LSAMP: variants seen among roughly 807,000 people sequenced by gnomAD.
The protein encoded by LSAMP is limbic system associated membrane protein.
LSAMP carries 7 observed loss-of-function variants against 38.6 expected under a neutral mutation model. The observed-to-expected ratio is 0.18, with a 90% CI of 0.10 to 0.34. The LOEUF is 0.34. Ranked by LOEUF, LSAMP falls within the 10% of genes least tolerant of loss-of-function variation. LSAMP has a pLI of 1.00. For synonymous variants in LSAMP, 154 were observed against 166.8 expected (o/e 0.92, Z 0.59); for missense variants, 313 against 420.0 (o/e 0.75, Z 2.23).
intron 1 of LSAMP, among the ~76,000 whole-genome samples, chr3:116,133,482 A>G (rs1041459833): frequency 1.3e-5 from 2 of 151,630 alleles, no homozygotes; most frequent in African/African-American, 4.8e-5. Context: ...ATATATATAC[A>G]TATATTTTTT....
intron 3 of LSAMP, among the ~76,000 whole-genome samples, chr3:115,925,060 C>G (rs1231019758): frequency 2.6e-5 from 4 of 152,188 alleles, no homozygotes; most frequent in Admixed American, 6.5e-5. Flanking sequence ...TCATAGTCTG[C>G]TCCTTGGTTC....
At chr3:115,917,807 A>G (rs1208982582) in intron 3 of LSAMP, among the ~76,000 whole-genome samples, 4 of 152,200 alleles carry the variant, frequency 2.6e-5, no homozygotes, top group Non-Finnish European at 4.4e-5. Context: ...GAAAAATTAT[A>G]AAACACTTTA....
intron 3 of LSAMP, among the ~76,000 whole-genome samples, chr3:115,947,596 C>T (rs886813405): frequency 3.3e-5 from 5 of 152,108 alleles, no homozygotes; most frequent in African/African-American, 1.2e-4. Context: ...TGTAGTAACA[C>T]CAGCATGCTC....
intron 6 of LSAMP, among the ~76,000 whole-genome samples, chr3:115,813,051 C>T (rs766862956): frequency 9.2e-5 from 14 of 151,940 alleles, no homozygotes; most frequent in Non-Finnish European, 1.5e-4. Context: ...GATATACACA[C>T]ATATTATTGA....
At chr3:116,063,980 T>TAAAC (rs1941639212) in intron 2 of LSAMP, among the ~76,000 whole-genome samples, 1 of 152,180 alleles carries the variant, frequency 6.6e-6, no homozygotes, top group Non-Finnish European at 1.5e-5. Context: ...AAATTCTGAA[T>TAAAC]AAACACGATA....
chr3:116,289,227 C>T (rs1163609623), intron 1 of LSAMP, among the ~76,000 whole-genome samples: 1 of 152,130 alleles, frequency 6.6e-6, no homozygotes, highest in Non-Finnish European at 1.5e-5. Flanking sequence ...AAGCAGTTCT[C>T]AAAAACTGAA....
chr3:116,072,718 G>C (rs917933371), intron 2 of LSAMP, among the ~76,000 whole-genome samples: 2 of 136,694 alleles, frequency 1.5e-5, no homozygotes, highest in Non-Finnish European at 3.2e-5. Flanking sequence ...ATCTGTTATT[G>C]CTATTTGCTT....
At chr3:116,355,869 C>A (rs966129631) in intron 1 of LSAMP, among the ~76,000 whole-genome samples, 1 of 152,120 alleles carries the variant, frequency 6.6e-6, no homozygotes, top group Non-Finnish European at 1.5e-5. Context: ...ATCAAAACTA[C>A]AATGAGATAT....
At chr3:116,110,044 C>T (rs566829542) in intron 1 of LSAMP, among the ~76,000 whole-genome samples, 46 of 149,144 alleles carry the variant, frequency 3.1e-4, no homozygotes, top group Middle Eastern at 3.5e-3. Flanking sequence ...GATAAGAGGT[C>T]GGGGTGTGGA....
chr3:116,218,638 C>T (rs6438304), intron 1 of LSAMP, among the ~76,000 whole-genome samples: 123,505 of 152,044 alleles, frequency 0.81, 50,772 homozygotes, highest in East Asian at 0.91. Flanking sequence ...CTCCCTTTTA[C>T]TTTTTTGAGC....
At chr3:115,835,189 T>G (rs1165718651) in intron 6 of LSAMP, among the ~76,000 whole-genome samples, 1 of 152,204 alleles carries the variant, frequency 6.6e-6, no homozygotes, top group African/African-American at 2.4e-5. Context: ...AATTTTATTT[T>G]TAGTCTATTC....
At chr3:116,018,033 G>A (rs1418575266) in intron 3 of LSAMP, among the ~76,000 whole-genome samples, 2 of 151,990 alleles carry the variant, frequency 1.3e-5, no homozygotes, top group Non-Finnish European at 2.9e-5. Context: ...TAATATCTAC[G>A]TTCATACTCG....
intron 1 of LSAMP, among the ~76,000 whole-genome samples, chr3:116,334,493 T>A (rs1041921727): frequency 1.3e-5 from 2 of 151,990 alleles, no homozygotes; most frequent in Non-Finnish European, 1.5e-5. Context: ...ATATCCTGAA[T>A]AAAAGTCTAG....
At chr3:116,122,518 CTTA>C (rs1473993774) in intron 1 of LSAMP, among the ~76,000 whole-genome samples, 1 of 152,106 alleles carries the variant, frequency 6.6e-6, no homozygotes, top group African/African-American at 2.4e-5. Flanking sequence ...TTCTTCAATA[CTTA>C]TTATTTGTTA....
At chr3:116,147,977 G>A (rs137929721) in intron 1 of LSAMP, among the ~76,000 whole-genome samples, 90 of 149,598 alleles carry the variant, frequency 6.0e-4, no homozygotes, top group African/African-American at 2.1e-3. Flanking sequence ...CAATTTTTTT[G>A]TCCTTAGAAA....
chr3:116,060,753 T>A (rs891382981), intron 2 of LSAMP, among the ~76,000 whole-genome samples: 3 of 151,720 alleles, frequency 2.0e-5, no homozygotes, highest in Non-Finnish European at 2.9e-5. Flanking sequence ...AGAGTGAAAC[T>A]CCATCTCAAA....
intron 3 of LSAMP, among the ~76,000 whole-genome samples, chr3:115,855,590 C>T (rs1240407713): frequency 1.3e-5 from 2 of 152,188 alleles, no homozygotes; most frequent in African/African-American, 4.8e-5. Flanking sequence ...AAAGTGGGAG[C>T]AGGCTCAAGG....
chr3:116,425,014 A>G (rs76821358), intron 1 of LSAMP, among the ~76,000 whole-genome samples: 66 of 152,162 alleles, frequency 4.3e-4, no homozygotes, highest in East Asian at 3.1e-3. Flanking sequence ...AAAAAAAAAA[A>G]AGAGAGTGGA....
chr3:116,039,603 T>C (rs1449714578), intron 2 of LSAMP, among the ~76,000 whole-genome samples: 1 of 152,196 alleles, frequency 6.6e-6, no homozygotes, highest in Non-Finnish European at 1.5e-5. Flanking sequence ...CTTAGAACTT[T>C]ACTTCTCTTG....
Sources: allele counts gnomAD v4.1 joint callset (sites outside exome capture counted in the v4.1 genomes callset), GRCh38; gene constraint gnomAD v4.1.1; transcripts MANE v1.5; gene names NCBI Gene and HGNC (gene_info 2026-07-23, HGNC 2026-07-21).